SNX18: variants seen among roughly 807,000 people sequenced by gnomAD.
The protein encoded by SNX18 is sorting nexin 18.
SNX18 carries 35 observed loss-of-function variants against 48.7 expected under a neutral mutation model. The observed-to-expected ratio is 0.72, with a 90% CI of 0.55 to 0.95. SNX18 has a LOEUF of 0.95. Among genes scored for constraint, SNX18 ranks in the 40% least tolerant of loss-of-function variants. The pLI, the probability that SNX18 is intolerant of heterozygous loss-of-function variation, is 0.00. For synonymous variants in SNX18, 492 were observed against 384.7 expected (o/e 1.28, Z -3.26); for missense variants, 824 against 871.0 (o/e 0.95, Z 0.68).
the SNX18 span, among the ~76,000 whole-genome samples, chr5:54,621,266 T>C: frequency 2.6e-5 from 4 of 152,222 alleles, no homozygotes; most frequent in Non-Finnish European, 4.4e-5. Context: ...TTCAGTCCTA[T>C]GAGTAACTTT....
At chr5:54,556,421 C>T in the SNX18 span, among the ~76,000 whole-genome samples, 1 of 152,190 alleles carries the variant, frequency 6.6e-6, no homozygotes, top group Non-Finnish European at 1.5e-5. Flanking sequence ...TCTTTAAAGT[C>T]AGCAAAGTCT....
chr5:54,576,183 C>T, the SNX18 span, among the ~76,000 whole-genome samples: 1 of 152,182 alleles, frequency 6.6e-6, no homozygotes, highest in Non-Finnish European at 1.5e-5. Context: ...TTCCAGCCCT[C>T]AGCTTTTGAG....
At chr5:54,530,369 G>A (rs927395375) in intron 1 of SNX18, among the ~76,000 whole-genome samples, 6 of 152,186 alleles carry the variant, frequency 3.9e-5, no homozygotes, top group Non-Finnish European at 7.3e-5. Flanking sequence ...TGTGAAAACT[G>A]AGGCTCAGGG....
Position 54,518,117 on chromosome 5 carries a change from T to C in SNX18, c.165T>C (p.Tyr55=). The C allele has an allele frequency of 6.8e-7, 1 of 1,474,618 alleles. No individual in the cohort carries two copies. The allele number at this position is 1,474,618 out of a possible 1,614,324, so 91.3% of individuals were successfully genotyped here. A position where few individuals can be genotyped will look rare whatever the true frequency, so the allele number is the denominator to read the frequency against. The change falls in exon 1 of 2, where the codon TAT becomes TAC. Residue 55 remains tyrosine, a synonymous_variant. Coordinates refer to ENST00000381410, the MANE Select transcript of SNX18 (RefSeq NM_001102575.2). The part of the protein sequence containing the change: ...RGDRGLFPAS[Y]VQVIRAPEPG... The stretch of plus-strand genomic sequence containing the variant: ...ACCGCGGCCTCTTCCCGGCCTCCTA[T>C]GTGCAGGTGATCCGCGCCCCCGAGC...
the SNX18 span, among the ~76,000 whole-genome samples, chr5:54,571,127 GT>G: frequency 6.0e-5 from 9 of 149,224 alleles, no homozygotes; most frequent in Non-Finnish European, 7.5e-5. Context: ...GGCCTCCTGT[GT>G]TTTTTTTTTC....
the SNX18 span, among the ~76,000 whole-genome samples, chr5:54,554,672 T>C: frequency 4.6e-3 from 701 of 152,378 alleles, 7 homozygotes; most frequent in African/African-American, 0.015. Flanking sequence ...TTTGTGTGTA[T>C]GTGTTAAAAG....
chr5:54,639,348 T>C, the SNX18 span, among the ~76,000 whole-genome samples: 67 of 152,324 alleles, frequency 4.4e-4, no homozygotes, highest in Middle Eastern at 6.8e-3. Context: ...TTGTAGAATG[T>C]ATGGAGTGGC....
chr5:54,560,098 C>A, the SNX18 span, among the ~76,000 whole-genome samples: 1 of 152,254 alleles, frequency 6.6e-6, no homozygotes, highest in Non-Finnish European at 1.5e-5. Flanking sequence ...AACAGAAATA[C>A]CATTTGACCC....
At chr5:54,592,214 G>C in the SNX18 span, among the ~76,000 whole-genome samples, 1 of 152,118 alleles carries the variant, frequency 6.6e-6, no homozygotes, top group Non-Finnish European at 1.5e-5. Flanking sequence ...GGTGACCTGG[G>C]ACACTTCATG....
At chr5:54,595,084 TA>T in the SNX18 span, among the ~76,000 whole-genome samples, 1 of 152,232 alleles carries the variant, frequency 6.6e-6, no homozygotes, top group Non-Finnish European at 1.5e-5. Flanking sequence ...GATGGGCACC[TA>T]GGTTGATTCC....
At chr5:54,534,812 G>A (rs1762322267) in intron 1 of SNX18, among the ~76,000 whole-genome samples, 1 of 152,090 alleles carries the variant, frequency 6.6e-6, no homozygotes, top group Non-Finnish European at 1.5e-5. Flanking sequence ...CTAGTGTGCT[G>A]GTTGAGTTTC....
rs1203562372 is a variant in SNX18, at chr5:54,546,160, A to G, written c.*2728A>G. 6.6e-6 allele frequency: 1 copy of G among 152,252 alleles called. No homozygotes were observed. The highest frequency in any genetic ancestry group is 1.5e-5 in the Non-Finnish European group (1 of 68,048). The allele number at this position is 152,252 out of a possible 1,614,324, so 9.4% of individuals were successfully genotyped here. Reference sequence around the variant, plus strand: ...AGTAATTGAGATTTTCCCAGGCTTCACTGATACAGTTGTTTTGCATTTATT... The same window carrying G: ...AGTAATTGAGATTTTCCCAGGCTTCGCTGATACAGTTGTTTTGCATTTATT... On this transcript the variant is annotated 3_prime_UTR_variant, in exon 2 of 2. Transcript: ENST00000381410.
At chr5:54,615,557 G>A in the SNX18 span, among the ~76,000 whole-genome samples, 6 of 152,306 alleles carry the variant, frequency 3.9e-5, no homozygotes, top group Admixed American at 6.5e-5. Context: ...TTCTCTTAGC[G>A]ATATCTTTGC....
chr5:54,605,639 T>C, the SNX18 span, among the ~76,000 whole-genome samples: 1 of 152,104 alleles, frequency 6.6e-6, no homozygotes, highest in South Asian at 2.1e-4. Flanking sequence ...ATTATTGAGA[T>C]TTTTTATGAT....
chr5:54,588,263 AT>A, the SNX18 span, among the ~76,000 whole-genome samples: 60 of 151,788 alleles, frequency 4.0e-4, no homozygotes, highest in African/African-American at 1.3e-3. Context: ...TGAAAAAAAA[AT>A]AATTCAAATA....
the SNX18 span, among the ~76,000 whole-genome samples, chr5:54,646,601 T>C: frequency 2.0e-5 from 3 of 152,222 alleles, no homozygotes; most frequent in Admixed American, 2.0e-4. Context: ...CATAACAAAC[T>C]ACACCCATCA....
the SNX18 span, among the ~76,000 whole-genome samples, chr5:54,624,639 T>C: frequency 0.17 from 25,175 of 152,274 alleles, 2,537 homozygotes; most frequent in Middle Eastern, 0.24. Flanking sequence ...TGCACATTCA[T>C]GATACCGTGG....
intron 1 of SNX18, among the ~76,000 whole-genome samples, chr5:54,529,979 C>T (rs1354938079): frequency 6.6e-6 from 1 of 152,190 alleles, no homozygotes; most frequent in African/African-American, 2.4e-5. Context: ...GACGAGAAGT[C>T]TGGAAGGACA....
the SNX18 span, among the ~76,000 whole-genome samples, chr5:54,577,416 A>T: frequency 1.4e-5 from 2 of 139,234 alleles, no homozygotes; most frequent in Non-Finnish European, 3.0e-5. Flanking sequence ...ATCAGAAGGG[A>T]TGAATTCTGG....
Sources: allele counts gnomAD v4.1 joint callset (sites outside exome capture counted in the v4.1 genomes callset), GRCh38; gene constraint gnomAD v4.1.1; transcripts MANE v1.5; gene names NCBI Gene and HGNC (gene_info 2026-07-23, HGNC 2026-07-21).